LYST: variants seen among roughly 807,000 people sequenced by gnomAD.
The protein encoded by LYST is lysosomal-trafficking regulator.
In LYST, 192 loss-of-function variants were observed where a neutral mutation model predicts 413.6. The observed-to-expected ratio is 0.46, with a 90% CI of 0.41 to 0.52. The LOEUF (loss-of-function observed/expected upper bound fraction) is 0.52, where lower values mean the gene tolerates loss of function less well. Ranked by LOEUF, LYST falls within the 20% of genes least tolerant of loss-of-function variation. LYST has a pLI of 0.00. For missense variants in LYST, 3,815 were observed against 4,499.9 expected (o/e 0.85, Z 4.35); for synonymous variants, 1,525 against 1,567.3 (o/e 0.97, Z 0.64).
Position 235,805,978 on chromosome 1 carries a change from C to T in LYST, c.3158G>A (p.Gly1053Asp). Residue 1053 changes from glycine (G) to aspartate (D), a missense_variant, in exon 6 of 53, where the codon GGT (glycine) becomes GAT (aspartate). Around this residue, in one of 4 missense-constraint regions of LYST, gnomAD observed 1,648 missense variants for 1,810.3 expected, o/e 0.91. Transcript: ENST00000389793. Reference protein sequence around the residue: ...IKSDPIPSELGSLKKSADSLG... With the variant: ...IKSDPIPSELDSLKKSADSLG... Reference sequence around the variant, plus strand: ...ACTGTCAGCACTCTTTTTTAGACTACCTAGTTCTGATGGTATGGGGTCACT... The same window carrying T: ...ACTGTCAGCACTCTTTTTTAGACTATCTAGTTCTGATGGTATGGGGTCACT... 6.2e-7 allele frequency: 1 copy of T among 1,613,446 alleles called. No individual in the cohort carries two copies. Among genetic ancestry groups the T allele is most frequent in the Non-Finnish European group, 8.5e-7 (1 of 1,179,490 alleles).
At chr1:235,694,009 TTC>T (rs1237809272) in intron 46 of LYST, among the ~76,000 whole-genome samples, 15 of 97,220 alleles carry the variant, frequency 1.5e-4, no homozygotes, top group African/African-American at 3.8e-4. Flanking sequence ...TCTCTTCTTC[TTC>T]TTTTTTTTTT....
At chr1:235,797,855 A>G (rs1446300409) in intron 10 of LYST, among the ~76,000 whole-genome samples, 1 of 152,190 alleles carries the variant, frequency 6.6e-6, no homozygotes, top group African/African-American at 2.4e-5. Context: ...ATGGGAGAAA[A>G]TATTAACATA....
At chr1:235,857,923 T>C (rs1679400660) in intron 1 of LYST, among the ~76,000 whole-genome samples, 1 of 152,144 alleles carries the variant, frequency 6.6e-6, no homozygotes, top group African/African-American at 2.4e-5. Context: ...TTGTAAGTCA[T>C]TGTTATTCGA....
At chr1:235,881,533 G>A (rs1198859832) in intron 1 of LYST, among the ~76,000 whole-genome samples, 4 of 152,158 alleles carry the variant, frequency 2.6e-5, no homozygotes, top group Non-Finnish European at 4.4e-5. Flanking sequence ...CATGTTCATA[G>A]CAGCATTATT....
chr1:235,773,252 A>G (rs1399722071), intron 19 of LYST, among the ~76,000 whole-genome samples: 1 of 151,760 alleles, frequency 6.6e-6, no homozygotes, highest in East Asian at 1.9e-4. Flanking sequence ...CTGGGGGTGG[A>G]GGTTGCAGTG....
intron 40 of LYST, among the ~76,000 whole-genome samples, chr1:235,717,436 A>C (rs893699020): frequency 6.6e-6 from 1 of 152,222 alleles, no homozygotes; most frequent in African/African-American, 2.4e-5. Flanking sequence ...CCATTCCTTG[A>C]AGCAGGAGAA....
intron 31 of LYST, chr1:235,736,016 G>T (rs1664786858): frequency 1.3e-5 from 2 of 152,076 alleles, no homozygotes; most frequent in Non-Finnish European, 2.9e-5. Flanking sequence ...GGTATTCAAT[G>T]ACATTCAAAA....
Position 235,751,116 on chromosome 1 carries a change from CAAG to C in LYST, c.7780+91_7780+93del, listed in dbSNP as rs990190323. 198 of 1,246,606 alleles carry C rather than the reference CAAG, an allele frequency of 1.6e-4. 1 individual carries two copies. Among genetic ancestry groups the C allele is most frequent in the Non-Finnish European group, 2.2e-4 (192 of 853,554 alleles). 77.2% of individuals were successfully genotyped at this position (1,246,606 alleles called of 1,614,324 possible). On this transcript the variant is annotated intron_variant, in intron 28 of 52. Transcript: ENST00000389793. ...AATCTTTCTTAAATTTTATGTAAAA[CAAG>C]AAATATTTTAAAAGTGTGAATGGCA...
chr1:235,780,763 C>A, intron 16 of LYST, 102 bp downstream of exon 16: 1 of 450,728 alleles, frequency 2.2e-6, no homozygotes, highest in South Asian at 8.4e-5. Context: ...TGATAAGGAA[C>A]CACATTAAAA....
chr1:235,793,548 C>G lies in LYST; in HGVS notation c.4071G>C (p.Glu1357Asp), dbSNP rs773229263. Residue 1357 changes from glutamate (E) to aspartate (D), a missense_variant, in exon 11 of 53, where the codon GAG becomes GAC. By Grantham distance (45) the Glu-to-Asp change is conservative (BLOSUM62 2). Coordinates refer to ENST00000389793, the MANE Select transcript of LYST (RefSeq NM_000081.4). ...SLMSSRTCSE[E>D]LTLLLRIFLE... is the part of the protein sequence containing the mutation. ...GAAATATTCTCAAAAGAAGGGTTAG[C>G]TCTTCTGAACATGTTCTTGAACTCA... 14 of 1,597,494 alleles carry G rather than the reference C, an allele frequency of 8.8e-6. No homozygotes were observed. In the South Asian group the frequency reaches 1.3e-4, roughly 15 times the overall value.
chr1:235,809,094 G>A lies in LYST; in HGVS notation c.1724C>T (p.Ser575Leu), dbSNP rs776971122. The stretch of plus-strand genomic sequence containing the variant: ...GCATATTCCAATGTTATGAACACCC[G>A]ATAGGATCTGGACACAAGTGCTGCT... ...SLSSTCVQILSGVHNIGICCC... is the reference protein window; with the variant it reads ...SLSSTCVQILLGVHNIGICCC... The change falls in exon 5 of 53, where the codon TCG (serine) becomes TTG (leucine). Residue 575 changes from serine (S) to leucine (L), a missense_variant. Coordinates refer to ENST00000389793, the MANE Select transcript of LYST (RefSeq NM_000081.4). This position sits in a 1 kb window ranked among gnomAD's most constrained non-coding sequence, Gnocchi z 4.0. 56 of 1,613,984 alleles carry A rather than the reference G, an allele frequency of 3.5e-5. No homozygotes were observed. Among genetic ancestry groups the A allele is most frequent in the South Asian group, 8.8e-5 (8 of 91,082 alleles).
intron 48 of LYST, among the ~76,000 whole-genome samples, chr1:235,680,018 TAC>T (rs34599051): frequency 9.3e-5 from 14 of 150,488 alleles, no homozygotes; most frequent in Non-Finnish European, 1.3e-4. Context: ...TATCTATGTA[TAC>T]ACACACACAC....
At position 235,759,502 on chromosome 1, in the gene LYST, T is replaced by C. The variant is rs754309233; in HGVS notation, c.6351A>G (p.Gln2117=). Residue 2117 remains glutamine (Q), a synonymous_variant, in exon 23 of 53, where the codon CAA becomes CAG. Transcript: ENST00000389793. ...CCAAACTTCCAGTCAGTTTTTGTGA[T>C]TGCGTTAGTAGTGAAGAAGTAGGGA... The part of the protein sequence containing the change: ...PAFPTSSLLT[Q]SQKLTGSLGC... The C allele has an allele frequency of 6.8e-6, 11 of 1,614,000 alleles. No homozygotes were observed. Among genetic ancestry groups the C allele is most frequent in the African/African-American group, 1.3e-5 (1 of 74,926 alleles).
At chr1:235,711,301 T>C (rs1277114964) in intron 43 of LYST, among the ~76,000 whole-genome samples, 3 of 151,226 alleles carry the variant, frequency 2.0e-5, no homozygotes, top group South Asian at 4.2e-4. Flanking sequence ...GACTGAGGCA[T>C]TTCTCACTTG....
chr1:235,729,570 G>A (rs1664185740), intron 37 of LYST, 26 bp downstream of exon 37: 1 of 1,526,530 alleles, frequency 6.6e-7, no homozygotes, highest in East Asian at 2.3e-5. Flanking sequence ...GTGAATATGT[G>A]CAAAATTCTT....
intron 4 of LYST, 102 bp downstream of exon 4, chr1:235,812,869 T>C (rs935509828): frequency 1.3e-6 from 1 of 752,720 alleles, no homozygotes; most frequent in African/African-American, 1.7e-5. Context: ...CACAATAACA[T>C]ATAGTGTTCT....
upstream of LYST, among the ~76,000 whole-genome samples, chr1:235,870,215 A>G (rs1680868449): frequency 6.6e-6 from 1 of 152,196 alleles, no homozygotes; most frequent in African/African-American, 2.4e-5. Flanking sequence ...AATCAAGTTT[A>G]GCCTAAAGCT....
Position 235,697,096 on chromosome 1 carries a change from A to G in LYST, c.10551T>C (p.Tyr3517=). 2 of 1,613,898 alleles carry G rather than the reference A, an allele frequency of 1.2e-6. No individual in the cohort carries two copies. Among genetic ancestry groups the G allele is most frequent in the Middle Eastern group, 3.3e-4 (2 of 6,062 alleles). The part of the protein sequence containing the change: ...LSRNFCLLMT[Y]SKEQGVRSMN... ...ATTTTATTTTACCTTGTTCCTTGCT[A>G]TATGTCATCAGAAGACAGAAATTCC... The change falls in exon 46 of 53, where the codon TAT becomes TAC. Residue 3517 remains tyrosine (Y), a synonymous_variant. Coordinates refer to ENST00000389793, the MANE Select transcript of LYST (RefSeq NM_000081.4).
chr1:235,766,616 T>C (rs1668175581), intron 20 of LYST, among the ~76,000 whole-genome samples: 3 of 152,176 alleles, frequency 2.0e-5, no homozygotes, highest in Non-Finnish European at 2.9e-5. Context: ...CATGTGATCT[T>C]AGGTAAGTTA....
Sources: allele counts gnomAD v4.1 joint callset (sites outside exome capture counted in the v4.1 genomes callset), GRCh38; gene constraint gnomAD v4.1.1; regional missense constraint gnomAD v4.1.1; non-coding constraint Gnocchi (gnomAD v3.1); transcripts MANE v1.5; gene names NCBI Gene and HGNC (gene_info 2026-07-23, HGNC 2026-07-21).